The following NELL2 variants were observed in gnomAD, a reference collection of about 807,000 sequenced individuals.
The protein encoded by NELL2 is protein kinase C-binding protein NELL2.
Under a neutral mutation model 109.6 loss-of-function variants are expected in NELL2, and 41 were observed. That is an observed-to-expected ratio of 0.37 (90% CI 0.29 to 0.49). NELL2 has a LOEUF of 0.49. Among genes scored for constraint, NELL2 ranks in the 20% least tolerant of loss-of-function variants. NELL2 has a pLI of 0.98. For synonymous variants in NELL2, 355 were observed against 344.7 expected, an observed-to-expected ratio of 1.03 and a Z score of -0.33; for missense variants, 900 against 1,008.3, an observed-to-expected ratio of 0.89 and a Z score of 1.45.
intron 2 of NELL2, among the ~76,000 whole-genome samples, chr12:44,840,672 T>C (rs938873910): frequency 2.6e-4 from 40 of 151,708 alleles, no homozygotes; most frequent in Non-Finnish European, 5.2e-4. Flanking sequence ...GCTGTATTGA[T>C]TGGTTCTTAA....
chr12:44,530,943 T>C (rs563772380), intron 16 of NELL2, among the ~76,000 whole-genome samples: 5 of 152,374 alleles, frequency 3.3e-5, no homozygotes, highest in African/African-American at 1.2e-4. Flanking sequence ...TTTTAGCTGC[T>C]AAGTTTTGAG....
At chr12:44,550,596 C>T (rs911908412) in intron 15 of NELL2, among the ~76,000 whole-genome samples, 2 of 142,036 alleles carry the variant, frequency 1.4e-5, no homozygotes, top group East Asian at 2.0e-4. Flanking sequence ...AATAAATAGC[C>T]GAGTTATGGG....
In NELL2 at chr12:44,611,218, TAG is replaced by T. The variant is rs1274917297; in HGVS notation, c.1445-250_1445-249del. ...AAGGCCTACCAACGGTTGCAAGAAATAGAGAGGGGAGGCAAAGATGAGGATTA... is the reference window on the plus strand; with the variant it reads ...AAGGCCTACCAACGGTTGCAAGAAATAGAGGGGAGGCAAAGATGAGGATTA... On this transcript the variant is annotated intron_variant, in intron 13 of 19. Transcript: ENST00000429094. 2.0e-5 allele frequency among the ~76,000 whole-genome samples: 3 copies of T among 151,966 alleles called. No homozygotes were observed. The East Asian group carries it at 5.8e-4, about 29-fold the overall frequency.
At chr12:44,706,726 T>C (rs1937903056) in intron 11 of NELL2, among the ~76,000 whole-genome samples, 1 of 152,168 alleles carries the variant, frequency 6.6e-6, no homozygotes, top group Non-Finnish European at 1.5e-5. Context: ...TATGTTGAGA[T>C]CCATAAAAGA....
At chr12:44,887,115 T>C (rs1945482630) in intron 1 of NELL2, among the ~76,000 whole-genome samples, 1 of 152,066 alleles carries the variant, frequency 6.6e-6, no homozygotes, top group African/African-American at 2.4e-5. Context: ...TTGATTTCCT[T>C]TCTCTTGGAT....
At chr12:44,652,555 C>T (rs1947340297) in intron 13 of NELL2, among the ~76,000 whole-genome samples, 1 of 152,182 alleles carries the variant, frequency 6.6e-6, no homozygotes, top group Admixed American at 6.5e-5. Context: ...CTAACTCTCT[C>T]TACAAACACC....
At chr12:44,660,009 C>T (rs1020680421) in intron 13 of NELL2, among the ~76,000 whole-genome samples, 14 of 152,030 alleles carry the variant, frequency 9.2e-5, no homozygotes, top group South Asian at 6.2e-4. Context: ...ATTTTATCTT[C>T]GGAGAATCAT....
In NELL2 at chr12:44,657,960, A is replaced by G. The variant is rs180733753; in HGVS notation, c.1444+7524T>C. On this transcript the variant is annotated intron_variant, in intron 13 of 19. Coordinates refer to ENST00000429094, the MANE Select transcript of NELL2 (RefSeq NM_001145108.2). ...AACATGCGTGTGCATGTGTCTTTATAGTAGAATGATTTATAAGACTTTGGG... is the reference window on the plus strand; with the variant it reads ...AACATGCGTGTGCATGTGTCTTTATGGTAGAATGATTTATAAGACTTTGGG... 2.9e-3 allele frequency among the ~76,000 whole-genome samples: 440 copies of G among 152,272 alleles called. 2 individuals are homozygous for G. Among genetic ancestry groups the G allele is most frequent in the Non-Finnish European group, 4.3e-3 (293 of 68,022 alleles).
intron 15 of NELL2, among the ~76,000 whole-genome samples, chr12:44,537,745 G>A (rs2139022489): frequency 6.6e-6 from 1 of 152,066 alleles, no homozygotes. Flanking sequence ...GTCTCTTGTT[G>A]AGCTTCTGGG....
chr12:44,714,858 T>C (rs763300642), intron 9 of NELL2, 117 bp from the exon 10 acceptor site: 21 of 521,756 alleles, frequency 4.0e-5, no homozygotes, highest in Non-Finnish European at 6.5e-5. Context: ...CATGTATGAC[T>C]AACCAGAAAC....
chr12:44,546,252 T>C (rs965071747), intron 15 of NELL2, among the ~76,000 whole-genome samples: 3 of 152,188 alleles, frequency 2.0e-5, no homozygotes, highest in Non-Finnish European at 4.4e-5. Flanking sequence ...ACAGTTTTCA[T>C]ATATCTGAAT....
chr12:44,579,468 T>C (rs1198498842), intron 15 of NELL2, among the ~76,000 whole-genome samples: 1 of 152,198 alleles, frequency 6.6e-6, no homozygotes, highest in African/African-American at 2.4e-5. Flanking sequence ...CTTACATCTG[T>C]CCATTAAGAA....
chr12:44,619,871 T>C (rs1217302853), intron 13 of NELL2, among the ~76,000 whole-genome samples: 1 of 152,124 alleles, frequency 6.6e-6, no homozygotes, highest in Non-Finnish European at 1.5e-5. Flanking sequence ...CAAGCCCCTG[T>C]GATTTTGTGA....
chr12:44,826,111 A>C (rs1302277373), intron 2 of NELL2, among the ~76,000 whole-genome samples: 1 of 152,216 alleles, frequency 6.6e-6, no homozygotes, highest in African/African-American at 2.4e-5. Flanking sequence ...GAATTTGTCC[A>C]TCTTCCAATA....
At chr12:44,568,807 C>A (rs184980485) in intron 15 of NELL2, among the ~76,000 whole-genome samples, 1 of 151,964 alleles carries the variant, frequency 6.6e-6, no homozygotes, top group African/African-American at 2.4e-5. Flanking sequence ...ATATAGCATG[C>A]TGTAATATAG....
At chr12:44,763,879 A>C (rs1388724368) in intron 9 of NELL2, among the ~76,000 whole-genome samples, 2 of 152,168 alleles carry the variant, frequency 1.3e-5, no homozygotes, top group African/African-American at 4.8e-5. Flanking sequence ...AATAAAAAAA[A>C]CAAAGACTTC....
intron 2 of NELL2, among the ~76,000 whole-genome samples, chr12:44,837,595 A>T (rs1050962154): frequency 6.6e-6 from 1 of 152,230 alleles, no homozygotes; most frequent in Non-Finnish European, 1.5e-5. Flanking sequence ...ACAATGCTGC[A>T]TGCTTTCTGT....
intron 2 of NELL2, among the ~76,000 whole-genome samples, chr12:44,833,236 A>T (rs909300189): frequency 6.6e-6 from 1 of 152,168 alleles, no homozygotes; most frequent in African/African-American, 2.4e-5. Flanking sequence ...AAATTTCTTC[A>T]CTATATTTTA....
chr12:44,808,211 C>A (rs1384740626), intron 3 of NELL2, among the ~76,000 whole-genome samples: 1 of 152,010 alleles, frequency 6.6e-6, no homozygotes, highest in South Asian at 2.1e-4. Flanking sequence ...AAAAATGCCT[C>A]GCTTCTTTAG....
Sources: allele counts gnomAD v4.1 joint callset (sites outside exome capture counted in the v4.1 genomes callset), GRCh38; gene constraint gnomAD v4.1.1; transcripts MANE v1.5; gene names NCBI Gene and HGNC (gene_info 2026-07-23, HGNC 2026-07-21).